Variants in PCDHGB3 observed in about 807,000 individuals in gnomAD.
The protein encoded by PCDHGB3 is protocadherin gamma subfamily B, 3.
A neutral mutation model predicts 59.2 loss-of-function variants in PCDHGB3; 40 were observed. The observed-to-expected ratio is 0.68, with a 90% confidence interval of 0.52 to 0.88. The LOEUF is 0.88. Among genes scored for constraint, PCDHGB3 ranks in the 40% least tolerant of loss-of-function variants. The pLI, the probability that PCDHGB3 is intolerant of heterozygous loss-of-function variation, is 0.00. For synonymous variants in PCDHGB3, 581 were observed against 503.6 expected (o/e 1.15, Z -2.06); for missense variants, 1,309 against 1,187.9 (o/e 1.10, Z -1.50).
chr5:141,410,569 T>C (rs908906606), intron 1 of PCDHGB3: 1 of 1,612,242 alleles, frequency 6.2e-7, no homozygotes, highest in African/African-American at 1.3e-5. Context: ...GAGCCTTAAT[T>C]CCACCTCATG....
chr5:141,473,147 T>A (rs2099315103), intron 1 of PCDHGB3, among the ~76,000 whole-genome samples: 1 of 152,222 alleles, frequency 6.6e-6, no homozygotes, highest in Admixed American at 6.5e-5. Flanking sequence ...TCTCTTCAGA[T>A]CACTAGGGCT....
chr5:141,448,135 TA>T (rs2098567569), intron 1 of PCDHGB3, among the ~76,000 whole-genome samples: 1 of 151,880 alleles, frequency 6.6e-6, no homozygotes, highest in South Asian at 2.1e-4. Flanking sequence ...CCACCCTCAC[TA>T]TACCTCAGAC....
At chr5:141,395,374 T>A in intron 1 of PCDHGB3, 1 of 1,187,898 alleles carries the variant, frequency 8.4e-7, no homozygotes. Context: ...ATTTTGGTGG[T>A]GTTACTATAA....
intron 1 of PCDHGB3, among the ~76,000 whole-genome samples, chr5:141,443,656 A>G (rs139300845): frequency 1.3e-5 from 2 of 152,374 alleles, no homozygotes; most frequent in East Asian, 3.8e-4. Flanking sequence ...TTAGCATAGC[A>G]TTTTACTGAA....
intron 1 of PCDHGB3, among the ~76,000 whole-genome samples, chr5:141,438,458 G>A (rs1462204360): frequency 6.6e-6 from 1 of 151,538 alleles, no homozygotes. Context: ...CAATGCTTGA[G>A]TTCAATTATT....
intron 1 of PCDHGB3, chr5:141,400,564 C>G (rs532914635): frequency 1.9e-6 from 3 of 1,612,936 alleles, no homozygotes; most frequent in Admixed American, 1.7e-5. Flanking sequence ...ATTACCCACC[C>G]AATTTTCTGT....
chr5:141,383,861 C>T, intron 1 of PCDHGB3: 2 of 1,613,936 alleles, frequency 1.2e-6, no homozygotes, highest in Non-Finnish European at 8.5e-7. Context: ...GAGGTTCAGG[C>T]TCAAGATGGT....
Position 141,490,483 on chromosome 5 carries a change from G to A in PCDHGB3, c.2416-4324G>A. On this transcript the variant is annotated intron_variant, in intron 1 of 3. Transcript: ENST00000576222. The surrounding 1 kb of genome is among the most constrained non-coding windows in gnomAD (Gnocchi z 5.4). ...GCTAACCAGCCAGCCTTTGGACCGG[G>A]AGGCCACATCCCACTATATCATCGA... 2.5e-6 allele frequency: 4 copies of A among 1,614,198 alleles called. No individual in the cohort carries two copies. Among genetic ancestry groups the A allele is most frequent in the Non-Finnish European group, 3.4e-6 (4 of 1,180,046 alleles).
At chr5:141,415,185 C>T (rs375113497) in intron 1 of PCDHGB3, 2 of 1,613,978 alleles carry the variant, frequency 1.2e-6, no homozygotes, top group Non-Finnish European at 8.5e-7. Flanking sequence ...CCGTGGCCGA[C>T]AGCATCCCCC....
chr5:141,418,151 G>A (rs1276817622), intron 1 of PCDHGB3: 4 of 1,613,990 alleles, frequency 2.5e-6, no homozygotes, highest in East Asian at 4.5e-5. Context: ...AATATGCAAA[G>A]AGAGAAGAAG....
intron 1 of PCDHGB3, chr5:141,427,909 C>G: frequency 6.3e-7 from 1 of 1,576,922 alleles, no homozygotes; most frequent in Non-Finnish European, 8.7e-7. Context: ...GCGCTCAGCG[C>G]CAACATGAGC....
chr5:141,387,735 T>C lies in PCDHGB3; in HGVS notation c.2415+14926T>C, dbSNP rs966437790. The C allele has an allele frequency of 1.2e-5, 16 of 1,308,452 alleles. No individual in the cohort carries two copies. In the East Asian group the frequency reaches 1.3e-4, roughly 10 times the overall value. 81.1% of individuals were successfully genotyped at this position (1,308,452 alleles called of 1,614,324 possible). ...GCTCAGACTCCCCAGCGCCAGCCTTTACACCGCTTCCTCCTCGGAAAAAGA... is the reference window on the plus strand; with the variant it reads ...GCTCAGACTCCCCAGCGCCAGCCTTCACACCGCTTCCTCCTCGGAAAAAGA... On this transcript the variant is annotated intron_variant, in intron 1 of 3. Transcript: ENST00000576222.
chr5:141,409,624 G>C lies in PCDHGB3; in HGVS notation c.2415+36815G>C, dbSNP rs747166507. 11 of 1,613,728 alleles carry C rather than the reference G, an allele frequency of 6.8e-6. No homozygotes were observed. The South Asian group carries it at 8.8e-5, about 13-fold the overall frequency. On this transcript the variant is annotated intron_variant, in intron 1 of 3. Transcript: ENST00000576222. The stretch of plus-strand genomic sequence containing the variant: ...CGCCAGGAGCCTCCATTGCGCAAGT[G>C]AGCGCCTCTGACCCGGATTTGGGGC...
intron 1 of PCDHGB3, among the ~76,000 whole-genome samples, chr5:141,433,594 G>A (rs1331681563): frequency 1.3e-5 from 2 of 152,086 alleles, no homozygotes; most frequent in Admixed American, 1.3e-4. Context: ...CCAGTACTTT[G>A]GGAGGCCGAG....
chr5:141,453,423 C>T (rs931962019), intron 1 of PCDHGB3, among the ~76,000 whole-genome samples: 2 of 152,120 alleles, frequency 1.3e-5, no homozygotes, highest in African/African-American at 4.8e-5. Context: ...TAAGCCACCA[C>T]ACCTAGCCTA....
chr5:141,475,984 G>C (rs1282216343), intron 1 of PCDHGB3: 1 of 1,069,308 alleles, frequency 9.4e-7, no homozygotes, highest in Non-Finnish European at 1.3e-6. Flanking sequence ...AACAGCCGGC[G>C]AGCAAATCAA....
At position 141,485,437 on chromosome 5, in the gene PCDHGB3, C is replaced by A. The variant is rs2099613420; in HGVS notation, c.2416-9370C>A. The A allele has an allele frequency of 6.2e-7, 1 of 1,614,174 alleles. No individual in the cohort carries two copies. Among genetic ancestry groups the A allele is most frequent in the Non-Finnish European group, 8.5e-7 (1 of 1,180,028 alleles). On this transcript the variant is annotated intron_variant, in intron 1 of 3. Transcript: ENST00000576222. The surrounding 1 kb of genome is among the most constrained non-coding windows in gnomAD (Gnocchi z 5.7). ...ACAGCGGAGCCCTGCTCATCAAGAA[C>A]CCAATCGACCGAGAGGCACTGTGTG...
Position 141,490,400 on chromosome 5 carries a change from T to A in PCDHGB3, c.2416-4407T>A. On this transcript the variant is annotated intron_variant, in intron 1 of 3. Coordinates refer to ENST00000576222, the MANE Select transcript of PCDHGB3 (RefSeq NM_018924.5). This position sits in a 1 kb window ranked among gnomAD's most constrained non-coding sequence, Gnocchi z 5.4. ...TCAGGTAGAAATGGTGAAGTGAGCC[T>A]TGATATCTCTCCGGACCTGCCATTT... The A allele has an allele frequency of 6.2e-7, 1 of 1,614,202 alleles. No homozygotes were observed. Among genetic ancestry groups the A allele is most frequent in the Non-Finnish European group, 8.5e-7 (1 of 1,180,032 alleles).
intron 1 of PCDHGB3, chr5:141,377,472 TG>T (rs1191503778): frequency 6.6e-6 from 1 of 152,084 alleles, no homozygotes; most frequent in Non-Finnish European, 1.5e-5. Flanking sequence ...GGCGTACACC[TG>T]TAGTCCCAGC....
Sources: gnomAD v4.1 joint callset for allele counts (sites outside exome capture counted in the v4.1 genomes callset) on GRCh38, gnomAD v4.1.1 for gene constraint, Gnocchi (gnomAD v3.1) non-coding constraint, MANE v1.5 for transcripts, NCBI Gene and HGNC (gene_info 2026-07-23, HGNC 2026-07-21) for gene names.